Variants in FRMD5 observed in about 807,000 individuals in gnomAD.
The protein encoded by FRMD5 is FERM domain-containing protein 5.
Under a neutral mutation model 69.0 loss-of-function variants are expected in FRMD5, and 20 were observed. The ratio of observed to expected loss-of-function variants is 0.29; its 90% CI spans 0.20 to 0.42. The LOEUF (loss-of-function observed/expected upper bound fraction) is 0.42, where lower values mean the gene tolerates loss of function less well. Ranked by LOEUF, FRMD5 falls within the 10% of genes least tolerant of loss-of-function variation. The pLI is 1.00. For missense variants in FRMD5, 595 were observed against 708.6 expected (o/e 0.84, Z 1.82); for synonymous variants, 271 against 260.1 (o/e 1.04, Z -0.40).
At chr15:43,952,202 G>A (rs931399588) in intron 1 of FRMD5, among the ~76,000 whole-genome samples, 1 of 152,076 alleles carries the variant, frequency 6.6e-6, no homozygotes, top group Non-Finnish European at 1.5e-5. Context: ...ATGATTTTCT[G>A]TCATGCCCCA....
chr15:43,963,033 A>T (rs1306478611), intron 1 of FRMD5, among the ~76,000 whole-genome samples: 14 of 152,234 alleles, frequency 9.2e-5, no homozygotes, highest in Non-Finnish European at 1.3e-4. Flanking sequence ...AAGCAATGGC[A>T]ACAAAAGCCA....
intron 1 of FRMD5, among the ~76,000 whole-genome samples, chr15:43,931,856 C>G (rs2089682131): frequency 6.6e-6 from 1 of 152,158 alleles, no homozygotes; most frequent in Admixed American, 6.5e-5. Context: ...GTTTCCTTTT[C>G]AACTCTCCTA....
chr15:44,048,112 T>C (rs910037441), intron 1 of FRMD5, among the ~76,000 whole-genome samples: 1 of 152,178 alleles, frequency 6.6e-6, no homozygotes, highest in African/African-American at 2.4e-5. Flanking sequence ...TCTATAAACA[T>C]AGAGTTTAAC....
chr15:43,932,742 T>C (rs2089696628), intron 1 of FRMD5, among the ~76,000 whole-genome samples: 1 of 152,136 alleles, frequency 6.6e-6, no homozygotes, highest in Admixed American at 6.5e-5. Context: ...ATTAGACTCT[T>C]CCCCCTGGGA....
chr15:44,005,097 G>T (rs1890377442), intron 1 of FRMD5, among the ~76,000 whole-genome samples: 1 of 152,220 alleles, frequency 6.6e-6, no homozygotes. Flanking sequence ...TAAGAAAGCT[G>T]CACAAGACAA....
chr15:44,005,597 A>C (rs1292557450), intron 1 of FRMD5, among the ~76,000 whole-genome samples: 1 of 151,890 alleles, frequency 6.6e-6, no homozygotes, highest in East Asian at 1.9e-4. Context: ...ATTTCTTGGG[A>C]GGCCTCAGGA....
At chr15:44,144,778 G>A (rs2077330203) in intron 1 of FRMD5, among the ~76,000 whole-genome samples, 1 of 152,170 alleles carries the variant, frequency 6.6e-6, no homozygotes. Flanking sequence ...CTTCCAGAAG[G>A]GGGAAACTGC....
chr15:44,039,064 CCT>C (rs1276912194), intron 1 of FRMD5, among the ~76,000 whole-genome samples: 2 of 152,196 alleles, frequency 1.3e-5, no homozygotes, highest in Non-Finnish European at 2.9e-5. Flanking sequence ...GTAAACAAAG[CCT>C]CTCGTAAGTC....
At chr15:43,962,362 C>G (rs2090216314) in intron 1 of FRMD5, among the ~76,000 whole-genome samples, 1 of 152,126 alleles carries the variant, frequency 6.6e-6, no homozygotes, top group South Asian at 2.1e-4. Flanking sequence ...CGTGAAGGAC[C>G]TCTTCAAGGA....
intron 1 of FRMD5, among the ~76,000 whole-genome samples, chr15:44,112,405 A>T (rs1053771191): frequency 3.3e-5 from 5 of 152,102 alleles, no homozygotes; most frequent in Non-Finnish European, 5.9e-5. Context: ...TCTAATTTTT[A>T]AAAAATACTG....
chr15:44,043,702 T>C (rs1187075337), intron 1 of FRMD5, among the ~76,000 whole-genome samples: 6 of 152,234 alleles, frequency 3.9e-5, no homozygotes, highest in African/African-American at 2.4e-5. Context: ...TAAATGGTGT[T>C]GGGAAAACTG....
chr15:44,141,650 C>A (rs1252733386), intron 1 of FRMD5, among the ~76,000 whole-genome samples: 1 of 152,152 alleles, frequency 6.6e-6, no homozygotes, highest in Non-Finnish European at 1.5e-5. Context: ...GATACAATTT[C>A]TAGGCTTTAA....
chr15:44,161,103 C>G (rs1395959653), intron 1 of FRMD5, among the ~76,000 whole-genome samples: 1 of 152,186 alleles, frequency 6.6e-6, no homozygotes, highest in South Asian at 2.1e-4. Flanking sequence ...CCTTTCCCAT[C>G]CCATGGATGC....
At chr15:43,988,080 T>G (rs1351928163) in intron 1 of FRMD5, among the ~76,000 whole-genome samples, 2 of 152,148 alleles carry the variant, frequency 1.3e-5, no homozygotes, top group African/African-American at 4.8e-5. Context: ...CTAATGCTGC[T>G]GCTGATCTGA....
rs554773225 is a variant in FRMD5 at position 43,990,185 on chromosome 15, G to C, written c.103-65876C>G. ...CAAGCATGGTGATATCATCATCCAT[G>C]GTGAGCTGGCGGCGGGTGTGGACGG... On this transcript the variant is annotated intron_variant, in intron 1 of 13. Coordinates refer to ENST00000417257, the MANE Select transcript of FRMD5 (RefSeq NM_032892.5). 121 of 520,352 alleles carry C rather than the reference G, an allele frequency of 2.3e-4. 1 individual carries two copies. In the Middle Eastern group the frequency reaches 2.4e-3, roughly 10 times the overall value. The allele number at this position is 520,352 out of a possible 1,614,324, so 32.2% of individuals were successfully genotyped here. A position where few individuals can be genotyped will look rare whatever the true frequency, so the allele number is the denominator to read the frequency against.
At chr15:44,133,763 G>A (rs1595503571) in intron 1 of FRMD5, among the ~76,000 whole-genome samples, 2 of 151,884 alleles carry the variant, frequency 1.3e-5, no homozygotes, top group African/African-American at 4.8e-5. Context: ...AAAAGAAGAA[G>A]AAGCCTATAT....
chr15:44,095,503 C>G (rs2076539525), intron 1 of FRMD5, among the ~76,000 whole-genome samples: 1 of 152,140 alleles, frequency 6.6e-6, no homozygotes, highest in Non-Finnish European at 1.5e-5. Context: ...ACACGCCTGG[C>G]TTGAATTCAC....
At chr15:43,904,399 C>T (rs921381124) in intron 6 of FRMD5, among the ~76,000 whole-genome samples, 7 of 152,102 alleles carry the variant, frequency 4.6e-5, no homozygotes, top group Admixed American at 1.3e-4. Context: ...GACAGGGTCT[C>T]GCTCTGTGGC....
rs182583834 is a variant in FRMD5, at chr15:44,150,559, C to T, written c.102+44394G>A. Among the ~76,000 whole-genome samples, 595 of 151,744 alleles carry T rather than the reference C, an allele frequency of 3.9e-3. 6 individuals carry two copies. The highest frequency in any genetic ancestry group is 0.014 in the African/African-American group (581 of 41,398). ...CTTTGAGAGGCCGAAGCAGGAAGATCGTTTAAGCCCAAGAGTTTGAGACCA... is the reference window on the plus strand; with the variant it reads ...CTTTGAGAGGCCGAAGCAGGAAGATTGTTTAAGCCCAAGAGTTTGAGACCA... On this transcript the variant is annotated intron_variant, in intron 1 of 13. Coordinates refer to ENST00000417257, the MANE Select transcript of FRMD5 (RefSeq NM_032892.5).
Sources: gnomAD v4.1 joint callset for allele counts (sites outside exome capture counted in the v4.1 genomes callset) on GRCh38, gnomAD v4.1.1 for gene constraint, MANE v1.5 for transcripts, NCBI Gene and HGNC (gene_info 2026-07-23, HGNC 2026-07-21) for gene names.